SNX31: variants seen among roughly 807,000 people sequenced by gnomAD.
SNX31 encodes the protein sorting nexin-31.
In SNX31, 58 loss-of-function variants were observed where a neutral mutation model predicts 65.4. The observed-to-expected ratio is 0.89, with a 90% CI of 0.72 to 1.10. The LOEUF (loss-of-function observed/expected upper bound fraction) is 1.10. SNX31 is among the 50% of genes least tolerant of loss of function. The probability of loss-of-function intolerance (pLI) is 0.00; values close to 1 mark genes in which losing one functional copy is unlikely to be tolerated. For synonymous variants in SNX31, 181 were observed against 190.1 expected (o/e 0.95, Z 0.39); for missense variants, 523 against 529.7 (o/e 0.99, Z 0.12).
chr8:100,641,608 A>T (rs58918456), intron 2 of SNX31, among the ~76,000 whole-genome samples: 34,508 of 68,260 alleles, frequency 0.51, 9,311 homozygotes, highest in African/African-American at 0.64. Flanking sequence ...ACATACACAC[A>T]CACACGCACA....
Position 100,613,577 on chromosome 8 carries a change from C to T in SNX31, c.433-492G>A, listed in dbSNP as rs1816908627. ...GCGCTACTGCCCACCTTTGACACGC[C>T]AGGCCTGCTTCGCCTTGATGTTTCC... On this transcript the variant is annotated intron_variant, in intron 5 of 13. Transcript: ENST00000311812. The surrounding 1 kb of genome is among the most constrained non-coding windows in gnomAD (Gnocchi z 5.2). Among the ~76,000 whole-genome samples, 1 of 152,220 alleles carries T rather than the reference C, an allele frequency of 6.6e-6. No individual in the cohort carries two copies. The highest frequency in any genetic ancestry group is 1.5e-5 in the Non-Finnish European group (1 of 68,040).
At chr8:100,591,253 A>G (rs7844756) in intron 10 of SNX31, among the ~76,000 whole-genome samples, 6,895 of 152,280 alleles carry the variant, frequency 0.045, 553 homozygotes, top group African/African-American at 0.16. Context: ...GAGCAGAGAG[A>G]CAATAGACAA....
intron 12 of SNX31, among the ~76,000 whole-genome samples, chr8:100,580,530 G>A (rs1042851779): frequency 2.6e-5 from 4 of 152,172 alleles, no homozygotes; most frequent in Non-Finnish European, 5.9e-5. Context: ...AATTGTCGTA[G>A]GGGAAATTCT....
chr8:100,583,519 A>G (rs923644678), intron 12 of SNX31, among the ~76,000 whole-genome samples: 1 of 152,204 alleles, frequency 6.6e-6, no homozygotes, highest in Non-Finnish European at 1.5e-5. Flanking sequence ...TAATTTTTTC[A>G]CAGCCTTCTC....
chr8:100,650,130 G>A (rs1239015646), upstream of SNX31, among the ~76,000 whole-genome samples: 1 of 152,178 alleles, frequency 6.6e-6, no homozygotes, highest in Non-Finnish European at 1.5e-5. Context: ...TTAGACAGGT[G>A]CATTCACATA....
chr8:100,661,077 C>A (rs990198048), intron 1 of SNX31, among the ~76,000 whole-genome samples: 2 of 149,402 alleles, frequency 1.3e-5, no homozygotes, highest in African/African-American at 5.0e-5. Context: ...GTGATCTCGG[C>A]TCACTGCAAC....
chr8:100,585,124 C>T (rs1813925698), intron 11 of SNX31, among the ~76,000 whole-genome samples: 1 of 152,204 alleles, frequency 6.6e-6, no homozygotes, highest in Non-Finnish European at 1.5e-5. Flanking sequence ...CCAAGACACT[C>T]ATAGTTGTAC....
intron 3 of SNX31, among the ~76,000 whole-genome samples, chr8:100,633,920 T>C (rs1818576252): frequency 6.6e-6 from 1 of 152,176 alleles, no homozygotes; most frequent in African/African-American, 2.4e-5. Flanking sequence ...AAAGTATGTA[T>C]AGTAAAGTTC....
chr8:100,614,891 C>CA lies in SNX31; in HGVS notation c.433-1807dup, dbSNP rs778161764. On this transcript the variant is annotated intron_variant, in intron 5 of 13. Coordinates refer to ENST00000311812, the MANE Select transcript of SNX31 (RefSeq NM_152628.4). The surrounding 1 kb of genome is among the most constrained non-coding windows in gnomAD (Gnocchi z 5.1). ...TGAAACTCCATTTCAAAACAACAACCAAAAAAGAGACCATTGAAAAGTAAA... is the reference window on the plus strand; with the variant it reads ...TGAAACTCCATTTCAAAACAACAACCAAAAAAAGAGACCATTGAAAAGTAAA... Among the ~76,000 whole-genome samples the CA allele has an allele frequency of 9.5e-4, 145 of 152,100 alleles. No individual in the cohort carries two copies. Among genetic ancestry groups the CA allele is most frequent in the Admixed American group, 2.7e-3 (41 of 15,274 alleles).
intron 4 of SNX31, chr8:100,619,250 T>C (rs529808858): frequency 2.6e-5 from 4 of 152,114 alleles, no homozygotes; most frequent in Non-Finnish European, 5.9e-5. Context: ...TCAAATTGGT[T>C]TTGTATTATG....
At chr8:100,601,138 G>GT (rs1412786513) in intron 8 of SNX31, among the ~76,000 whole-genome samples, 31 of 152,172 alleles carry the variant, frequency 2.0e-4, no homozygotes, top group African/African-American at 7.0e-4. Context: ...ACTTGATAGT[G>GT]GCAAACACAT....
In SNX31 at chr8:100,614,016, A is replaced by C. The variant is rs1198109582; in HGVS notation, c.433-931T>G. 6.6e-6 allele frequency among the ~76,000 whole-genome samples: 1 copy of C among 152,188 alleles called. No homozygotes were observed. Among genetic ancestry groups the C allele is most frequent in the Non-Finnish European group, 1.5e-5 (1 of 68,032 alleles). On this transcript the variant is annotated intron_variant, in intron 5 of 13. Transcript: ENST00000311812. This position sits in a 1 kb window ranked among gnomAD's most constrained non-coding sequence, Gnocchi z 5.1. ...TGGCAGTTGTACAAATACCAGGCTC[A>C]CAGGGGGCCTTCTCTTGTCAGAGAT...
intron 2 of SNX31, among the ~76,000 whole-genome samples, chr8:100,638,386 T>A (rs138904591): frequency 1.3e-4 from 20 of 152,366 alleles, no homozygotes; most frequent in African/African-American, 3.8e-4. Context: ...TAATAGCCAC[T>A]TGAAATATTG....
intron 8 of SNX31, among the ~76,000 whole-genome samples, chr8:100,607,780 T>G (rs1179572259): frequency 6.6e-6 from 1 of 152,204 alleles, no homozygotes; most frequent in South Asian, 2.1e-4. Flanking sequence ...ATAAATATTA[T>G]ATATATACCT....
rs185557676 is a variant in SNX31, at chr8:100,579,772, C to T, written c.1171-2697G>A. On this transcript the variant is annotated intron_variant, in intron 12 of 13. Coordinates refer to ENST00000311812, the MANE Select transcript of SNX31 (RefSeq NM_152628.4). ...GGAATCAGAAAGCCATCTTGTTCTT[C>T]GCCATTTTTGAGGGAAACTAATTTT... is the stretch of plus-strand genomic sequence containing the variant. Among the ~76,000 whole-genome samples the T allele has an allele frequency of 1.2e-3, 185 of 152,234 alleles. 2 individuals carry two copies. Among genetic ancestry groups the T allele is most frequent in the Admixed American group, 0.011 (174 of 15,294 alleles).
chr8:100,598,294 T>C (rs1200343866), intron 9 of SNX31, among the ~76,000 whole-genome samples: 2 of 152,200 alleles, frequency 1.3e-5, no homozygotes, highest in Non-Finnish European at 2.9e-5. Context: ...TGTAAGTACA[T>C]GGTACTTGCG....
At chr8:100,585,320 A>G (rs1173475418) in intron 11 of SNX31, among the ~76,000 whole-genome samples, 3 of 152,078 alleles carry the variant, frequency 2.0e-5, no homozygotes, top group African/African-American at 2.4e-5. Flanking sequence ...ACAACTGCCA[A>G]TCAAAGTTGA....
chr8:100,618,713 T>C (rs1420878310), intron 4 of SNX31: 1 of 273,634 alleles, frequency 3.7e-6, no homozygotes, highest in African/African-American at 2.2e-5. Context: ...ACTGGCTTAT[T>C]ATAAAGGCTA....
chr8:100,643,888 G>A (rs1198013889), intron 2 of SNX31, among the ~76,000 whole-genome samples: 1 of 152,156 alleles, frequency 6.6e-6, no homozygotes, highest in Admixed American at 6.5e-5. Flanking sequence ...AAAAGAGGAA[G>A]GAGCATGACA....
Sources: allele counts gnomAD v4.1 joint callset (sites outside exome capture counted in the v4.1 genomes callset), GRCh38; gene constraint gnomAD v4.1.1; non-coding constraint Gnocchi (gnomAD v3.1); transcripts MANE v1.5; gene names NCBI Gene and HGNC (gene_info 2026-07-23, HGNC 2026-07-21).